TRPS1: variants seen among roughly 807,000 people sequenced by gnomAD.
TRPS1 encodes transcriptional repressor GATA binding 1.
Under a neutral mutation model 101.2 loss-of-function variants are expected in TRPS1, and 6 were observed. That is an observed-to-expected ratio of 0.06 (90% CI 0.03 to 0.12). TRPS1 has a LOEUF of 0.12. Ranked by LOEUF, TRPS1 falls within the 10% of genes least tolerant of loss-of-function variation. The pLI is 1.00. For missense variants in TRPS1, 1,363 were observed against 1,567.0 expected, an observed-to-expected ratio of 0.87 and a Z score of 2.20; for synonymous variants, 578 against 589.8, an observed-to-expected ratio of 0.98 and a Z score of 0.29.
At chr8:115,511,914 T>A (rs565224470) in intron 5 of TRPS1, among the ~76,000 whole-genome samples, 3 of 151,838 alleles carry the variant, frequency 2.0e-5, no homozygotes, top group African/African-American at 4.8e-5. Flanking sequence ...TACAGCTAAA[T>A]CTTAATATGA....
rs918740629 is a variant in TRPS1, at chr8:115,604,404, T to G, written c.1565A>C (p.Asp522Ala). 3 of 1,613,934 alleles carry G rather than the reference T, an allele frequency of 1.9e-6. No individual in the cohort carries two copies. Among genetic ancestry groups the G allele is most frequent in the East Asian group, 4.5e-5 (2 of 44,860 alleles). Residue 522 changes from aspartate (D) to alanine (A), a missense_variant, in exon 4 of 7, where the codon GAC (aspartate) becomes GCC (alanine). Asp to Ala is a moderately radical substitution (Grantham distance 126). Transcript: ENST00000395715. The surrounding 1 kb of genome is among the most constrained non-coding windows in gnomAD (Gnocchi z 4.1). ...DKSSSGAKKK[D>A]FSSKGAEDNM... Reference sequence around the variant, plus strand: ...ATCCTCGGCTCCCTTGCTGGAGAAGTCCTTCTTTTTAGCCCCACTCGAGCT... The same window carrying G: ...ATCCTCGGCTCCCTTGCTGGAGAAGGCCTTCTTTTTAGCCCCACTCGAGCT...
intron 5 of TRPS1, among the ~76,000 whole-genome samples, chr8:115,434,700 T>C (rs1027065183): frequency 1.1e-4 from 16 of 152,216 alleles, no homozygotes; most frequent in Non-Finnish European, 4.4e-5. Context: ...TTGGTTTCTT[T>C]TAGCTGCCTT....
chr8:115,597,073 GGACT>G lies in TRPS1; in HGVS notation c.2096+6796_2096+6799del, dbSNP rs1449684753. On this transcript the variant is annotated intron_variant, in intron 4 of 6. Transcript: ENST00000395715. ...CAGAGTTTTTTCCTGTTTTTATTTTGGACTGACTTTGTTTTGGTTGTTTTGTTCT... is the reference window on the plus strand; with the variant it reads ...CAGAGTTTTTTCCTGTTTTTATTTTGGACTTTGTTTTGGTTGTTTTGTTCT... Among the ~76,000 whole-genome samples, 3 of 151,538 alleles carry G rather than the reference GGACT, an allele frequency of 2.0e-5. No individual in the cohort carries two copies. The South Asian group carries it at 6.2e-4, about 31-fold the overall frequency.
At chr8:115,443,092 T>C (rs1378341288) in intron 5 of TRPS1, among the ~76,000 whole-genome samples, 1 of 149,540 alleles carries the variant, frequency 6.7e-6, no homozygotes, top group East Asian at 2.0e-4. Flanking sequence ...CGAGACTCCA[T>C]CTCAAAAAAA....
chr8:115,535,159 AGCATATGTATT>A lies in TRPS1; in HGVS notation c.2700+51831_2700+51841del, dbSNP rs1448129946. On this transcript the variant is annotated intron_variant, in intron 5 of 6. Transcript: ENST00000395715. ...TATAGCATATATATAGCATATGTAT[AGCATATGTATT>A]GCATATATAGCATATGTATAGCATA... 5.4e-5 allele frequency among the ~76,000 whole-genome samples: 8 copies of A among 147,642 alleles called. 1 individual carries two copies. Among genetic ancestry groups the A allele is most frequent in the Non-Finnish European group, 1.2e-4 (8 of 67,038 alleles).
intron 5 of TRPS1, among the ~76,000 whole-genome samples, chr8:115,451,829 C>T (rs1413723782): frequency 6.6e-6 from 1 of 152,102 alleles, no homozygotes; most frequent in Admixed American, 6.5e-5. Flanking sequence ...AGAGAAAGAA[C>T]GTGCTCAGAA....
Position 115,420,453 on chromosome 8 carries a change from G to T in TRPS1, c.2701-2001C>A, listed in dbSNP as rs547061569. On this transcript the variant is annotated intron_variant, in intron 5 of 6. Coordinates refer to ENST00000395715, the MANE Select transcript of TRPS1 (RefSeq NM_014112.5). ...ATGTTTGCAAATAAACACCAACTTG[G>T]TCCACACAAGGGCAATGTAAATGTC... 3.3e-5 allele frequency among the ~76,000 whole-genome samples: 5 copies of T among 152,212 alleles called. No homozygotes were observed. In the South Asian group the frequency reaches 1.0e-3, roughly 32 times the overall value.
At chr8:115,640,853 C>T (rs1586485635) in intron 1 of TRPS1, among the ~76,000 whole-genome samples, 1 of 152,178 alleles carries the variant, frequency 6.6e-6, no homozygotes, top group African/African-American at 2.4e-5. Flanking sequence ...CATTTATACC[C>T]ACTCTCCCTT....
intron 5 of TRPS1, among the ~76,000 whole-genome samples, chr8:115,529,752 T>C (rs1307135906): frequency 6.6e-6 from 1 of 152,114 alleles, no homozygotes; most frequent in Non-Finnish European, 1.5e-5. Context: ...CCCACTATAT[T>C]GAGCAGAACT....
chr8:115,511,127 T>C (rs1815572981), intron 5 of TRPS1: 1 of 151,940 alleles, frequency 6.6e-6, no homozygotes, highest in Non-Finnish European at 1.5e-5. Flanking sequence ...ATTGTCTTTC[T>C]GGTGGAGAAA....
chr8:115,423,994 C>T (rs1279478524), intron 5 of TRPS1, among the ~76,000 whole-genome samples: 2 of 152,178 alleles, frequency 1.3e-5, no homozygotes, highest in Non-Finnish European at 2.9e-5. Context: ...ATTAAAGTGG[C>T]TTAACATTTA....
chr8:115,664,028 T>C (rs1205819588), intron 1 of TRPS1, among the ~76,000 whole-genome samples: 1 of 151,948 alleles, frequency 6.6e-6, no homozygotes, highest in Non-Finnish European at 1.5e-5. Context: ...AATAATAAAA[T>C]CGAAGATATT....
intron 3 of TRPS1, among the ~76,000 whole-genome samples, chr8:115,609,488 C>A (rs917827284): frequency 1.3e-5 from 2 of 152,106 alleles, no homozygotes; most frequent in Admixed American, 6.5e-5. Context: ...AATGAATGAA[C>A]GAAGGGAGAT....
intron 3 of TRPS1, among the ~76,000 whole-genome samples, chr8:115,608,138 T>G (rs1292541802): frequency 3.9e-5 from 6 of 152,154 alleles, no homozygotes; most frequent in Non-Finnish European, 8.8e-5. Context: ...GAAAATTTAC[T>G]GCTTCTTAGC....
intron 5 of TRPS1, among the ~76,000 whole-genome samples, chr8:115,425,217 G>T (rs1015994279): frequency 4.6e-5 from 7 of 152,140 alleles, no homozygotes; most frequent in Admixed American, 4.6e-4. Flanking sequence ...AAATTGTGAA[G>T]AATCCGTTGA....
intron 1 of TRPS1, among the ~76,000 whole-genome samples, chr8:115,653,551 G>A (rs1422445163): frequency 6.6e-6 from 1 of 151,978 alleles, no homozygotes; most frequent in Non-Finnish European, 1.5e-5. Context: ...TATATCTGAC[G>A]GAATGAGTAA....
At chr8:115,467,431 TAA>T (rs57169049) in intron 5 of TRPS1, among the ~76,000 whole-genome samples, 20 of 139,752 alleles carry the variant, frequency 1.4e-4, no homozygotes, top group Non-Finnish European at 1.7e-4. Flanking sequence ...GACCTTTTGT[TAA>T]AAAAAAAAAA....
intron 3 of TRPS1, among the ~76,000 whole-genome samples, chr8:115,607,072 A>C (rs1189630212): frequency 6.6e-6 from 1 of 152,102 alleles, no homozygotes; most frequent in African/African-American, 2.4e-5. Context: ...CCAAGAAACC[A>C]CCAGGCATCA....
intron 5 of TRPS1, among the ~76,000 whole-genome samples, chr8:115,528,114 G>T (rs1044333881): frequency 2.6e-5 from 4 of 152,030 alleles, no homozygotes; most frequent in Non-Finnish European, 4.4e-5. Context: ...AAAAAAGTAA[G>T]TAACTTAAAT....
Sources: allele counts gnomAD v4.1 joint callset (sites outside exome capture counted in the v4.1 genomes callset), GRCh38; gene constraint gnomAD v4.1.1; non-coding constraint Gnocchi (gnomAD v3.1); transcripts MANE v1.5; gene names NCBI Gene and HGNC (gene_info 2026-07-23, HGNC 2026-07-21).